The following CNTRL variants were observed in gnomAD, a reference collection of about 807,000 sequenced individuals.
CNTRL encodes 110 kDa centrosomal protein.
A neutral mutation model predicts 303.7 loss-of-function variants in CNTRL; 233 were observed. That is an observed-to-expected ratio of 0.77 (90% CI 0.69 to 0.86). CNTRL has a LOEUF of 0.86. Ranked by LOEUF, CNTRL falls within the 40% of genes least tolerant of loss-of-function variation. CNTRL has a pLI of 0.00. For missense variants in CNTRL, 2,524 were observed against 2,650.6 expected, an observed-to-expected ratio of 0.95 and a Z score of 1.05; for synonymous variants, 900 against 922.2, an observed-to-expected ratio of 0.98 and a Z score of 0.44.
intron 14 of CNTRL, among the ~76,000 whole-genome samples, chr9:121,127,137 T>C (rs764009575): frequency 1.6e-4 from 24 of 152,198 alleles, no homozygotes; most frequent in Non-Finnish European, 3.2e-4. Context: ...TCGAGAATTA[T>C]GCACACTGAT....
chr9:121,136,191 C>A (rs1045938957), intron 15 of CNTRL, among the ~76,000 whole-genome samples: 1 of 152,108 alleles, frequency 6.6e-6, no homozygotes, highest in Non-Finnish European at 1.5e-5. Context: ...TAGCTCTGAG[C>A]CTCCCAGCCT....
chr9:121,130,028 C>T (rs1467794001), intron 14 of CNTRL, among the ~76,000 whole-genome samples: 5 of 152,158 alleles, frequency 3.3e-5, no homozygotes, highest in Non-Finnish European at 7.3e-5. Flanking sequence ...CTGCTGGATT[C>T]GGTTTGCCAG....
intron 7 of CNTRL, among the ~76,000 whole-genome samples, chr9:121,107,387 A>G (rs1031650730): frequency 2.4e-4 from 37 of 152,298 alleles, no homozygotes; most frequent in Admixed American, 1.0e-3. Flanking sequence ...GCTTTTCGCA[A>G]GCCTTTTGGA....
chr9:121,169,562 C>T, intron 38 of CNTRL, 49 bp from the exon 39 acceptor site: 1 of 1,583,712 alleles, frequency 6.3e-7, no homozygotes, highest in Non-Finnish European at 8.7e-7. Context: ...GCTCTGCCCA[C>T]AGCTGGCTCG....
intron 2 of CNTRL, among the ~76,000 whole-genome samples, chr9:121,086,620 A>G (rs765073757): frequency 2.4e-4 from 36 of 147,972 alleles, no homozygotes; most frequent in Non-Finnish European, 4.6e-4. Flanking sequence ...TTCATTACAG[A>G]CTGCTGGATT....
rs1294858692 is a variant in CNTRL, at chr9:121,152,422, C to T, written c.3964-63C>T. ...AACCACAGTTAATTTCAGCTTTTGG[C>T]AGGAAAGAGAGGAAACATCCTGTGA... On this transcript the variant is annotated intron_variant, in intron 25 of 43. Coordinates refer to ENST00000373855, the MANE Select transcript of CNTRL (RefSeq NM_007018.6). 21 of 1,351,006 alleles carry T rather than the reference C, an allele frequency of 1.6e-5. No homozygotes were observed. In the East Asian group the frequency reaches 4.1e-4, roughly 27 times the overall value. 83.7% of individuals were successfully genotyped at this position (1,351,006 alleles called of 1,614,324 possible).
At chr9:121,156,208 G>C (rs2052561162) in intron 27 of CNTRL, among the ~76,000 whole-genome samples, 1 of 151,714 alleles carries the variant, frequency 6.6e-6, no homozygotes, top group South Asian at 2.1e-4. Flanking sequence ...AATATATATA[G>C]GTATAGATAT....
At position 121,169,833 on chromosome 9, in the gene CNTRL, G is replaced by A. The variant is rs748907076; in HGVS notation, c.6276+17G>A. The A allele has an allele frequency of 8.7e-6, 14 of 1,603,650 alleles. No individual in the cohort carries two copies. The highest frequency in any genetic ancestry group is 6.7e-5 in the African/African-American group (5 of 74,412). ...AACCTTCTTGTGAGTACCTGCTGCCGTGGCAGTTTGTGAGGAAATGATAAA... is the reference window on the plus strand; with the variant it reads ...AACCTTCTTGTGAGTACCTGCTGCCATGGCAGTTTGTGAGGAAATGATAAA... On this transcript the variant is annotated intron_variant, in intron 39 of 43. Coordinates refer to ENST00000373855, the MANE Select transcript of CNTRL (RefSeq NM_007018.6).
rs780059352 is a variant in CNTRL, at chr9:121,143,916, A to G, written c.2885A>G (p.Asp962Gly). ...CTTTTATTTTAGAAGAAACTTGAAG[A>G]TGCCAAATCTCAGGAGCAAGTTTTT... ...RELEKKKKLE[D>G]AKSQEQVFGL... is the part of the protein sequence containing the mutation. The change falls in exon 20 of 44, where the codon GAT (aspartate) becomes GGT (glycine). Residue 962 changes from aspartate to glycine, a missense_variant. Asp to Gly is a moderately conservative substitution (Grantham distance 94). Coordinates refer to ENST00000373855, the MANE Select transcript of CNTRL (RefSeq NM_007018.6). The G allele has an allele frequency of 3.1e-6, 5 of 1,588,008 alleles. No homozygotes were observed. Among genetic ancestry groups the G allele is most frequent in the African/African-American group, 2.7e-5 (2 of 72,972 alleles).
chr9:121,080,172 CA>C (rs1392124693), intron 1 of CNTRL, 133 bp from the exon 2 acceptor site: 3 of 152,296 alleles, frequency 2.0e-5, no homozygotes, highest in Non-Finnish European at 2.9e-5. Flanking sequence ...GAATTTTGGA[CA>C]AATTATTTAA....
At chr9:121,099,255 T>C (rs1212135371) in intron 7 of CNTRL, among the ~76,000 whole-genome samples, 1 of 152,120 alleles carries the variant, frequency 6.6e-6, no homozygotes, top group East Asian at 1.9e-4. Flanking sequence ...TATATGCCGT[T>C]CTGCAGCCTC....
In CNTRL at chr9:121,141,537, A is replaced by C. The variant is rs186838202; in HGVS notation, c.2640A>C (p.Ala880=). The change falls in exon 18 of 44, where the codon GCA becomes GCC. Residue 880 remains alanine, a synonymous_variant. Transcript: ENST00000373855. ...EEMALQQEKL[A]TGQEEFRQAC... ...TGGCTCTGCAGCAAGAGAAACTGGC[A>C]ACTGGACAAGAAGAGTTCAGGCAGG... is the stretch of plus-strand genomic sequence containing the variant. 1.5e-5 allele frequency: 25 copies of C among 1,614,180 alleles called. No individual in the cohort carries two copies. In the African/African-American group the frequency reaches 2.7e-4, roughly 17 times the overall value.
At chr9:121,162,442 T>G (rs1588312351) in intron 34 of CNTRL, 171 bp downstream of exon 34, 5 of 629,398 alleles carry the variant, frequency 7.9e-6, no homozygotes, top group Non-Finnish European at 1.4e-5. Context: ...CTAGCTTTTT[T>G]TTTTTTTGCT....
chr9:121,086,245 A>G (rs1412008488), intron 2 of CNTRL, among the ~76,000 whole-genome samples: 1 of 152,304 alleles, frequency 6.6e-6, no homozygotes, highest in East Asian at 1.9e-4. Context: ...TGTAAACAAA[A>G]CAGACAGGCT....
chr9:121,118,363 A>G lies in CNTRL; in HGVS notation c.1473A>G (p.Lys491=). Residue 491 remains lysine, a synonymous_variant, in exon 12 of 44, where the codon AAA becomes AAG. Transcript: ENST00000373855. ...IQLKKISEAG[K]DLLYKQLSGR... The stretch of plus-strand genomic sequence containing the variant: ...GAGATTAGATTTCAGAAGCAGGGAA[A>G]GACCTTCTTTACAAGCAGTTGAGTG... The G allele has an allele frequency of 6.3e-7, 1 of 1,596,624 alleles. No homozygotes were observed. Among genetic ancestry groups the G allele is most frequent in the Middle Eastern group, 1.7e-4 (1 of 5,976 alleles).
At chr9:121,081,261 G>A (rs1383916776) in intron 2 of CNTRL, among the ~76,000 whole-genome samples, 3 of 152,144 alleles carry the variant, frequency 2.0e-5, no homozygotes, top group African/African-American at 7.2e-5. Context: ...TTTTAATAGA[G>A]ATATGAAAAA....
Position 121,146,211 on chromosome 9 carries a change from A to C in CNTRL, c.3414A>C (p.Lys1138Asn). The C allele has an allele frequency of 6.2e-7, 1 of 1,613,558 alleles. No homozygotes were observed. The highest frequency in any genetic ancestry group is 1.1e-5 in the South Asian group (1 of 90,822). Residue 1138 changes from lysine to asparagine, a missense_variant, in exon 23 of 44, where the codon AAA (lysine) becomes AAC (asparagine). Lys to Asn is a moderately conservative substitution (Grantham distance 94, BLOSUM62 0). Transcript: ENST00000373855. Reference protein sequence around the residue: ...DYISSMADPFKRRGYWYFMPP... With the variant: ...DYISSMADPFNRRGYWYFMPP... ...TAAGCAGCATGGCAGATCCTTTCAAAAGACGAGGCTATTGGTACTTTATGC... is the reference window on the plus strand; with the variant it reads ...TAAGCAGCATGGCAGATCCTTTCAACAGACGAGGCTATTGGTACTTTATGC...
chr9:121,128,359 T>C (rs1031318623), intron 14 of CNTRL, among the ~76,000 whole-genome samples: 2 of 152,242 alleles, frequency 1.3e-5, no homozygotes, highest in African/African-American at 4.8e-5. Flanking sequence ...AAATGGTATC[T>C]CATTGTGGTT....
Position 121,168,265 on chromosome 9 carries a change from C to G in CNTRL, c.6014C>G (p.Thr2005Ser), listed in dbSNP as rs764819507. The change falls in exon 38 of 44, where the codon ACT becomes AGT. Residue 2005 changes from threonine to serine, a missense_variant. Physicochemically the swap from Thr to Ser is moderately conservative, Grantham distance 58. Coordinates refer to ENST00000373855, the MANE Select transcript of CNTRL (RefSeq NM_007018.6). Reference sequence around the variant, plus strand: ...CTGGCAGCTGAAGAGCGTGTTAGGACTCTGCAGGAAGAGGAGAGGTGGTGT... The same window carrying G: ...CTGGCAGCTGAAGAGCGTGTTAGGAGTCTGCAGGAAGAGGAGAGGTGGTGT... ...KVLAAEERVR[T>S]LQEEERWCES... 7.4e-6 allele frequency: 12 copies of G among 1,614,152 alleles called. No individual in the cohort carries two copies. The South Asian group carries it at 1.3e-4, about 18-fold the overall frequency.
Sources: gnomAD v4.1 joint callset for allele counts (sites outside exome capture counted in the v4.1 genomes callset) on GRCh38, gnomAD v4.1.1 for gene constraint, MANE v1.5 for transcripts, NCBI Gene and HGNC (gene_info 2026-07-23, HGNC 2026-07-21) for gene names.